The following GLTP variants were observed in gnomAD, a reference collection of about 807,000 sequenced individuals.
GLTP encodes the protein glycolipid transfer protein.
A neutral mutation model predicts 24.0 loss-of-function variants in GLTP; 22 were observed. The ratio of observed to expected loss-of-function variants is 0.92; its 90% CI spans 0.65 to 1.31. The LOEUF (loss-of-function observed/expected upper bound fraction) is 1.31. GLTP is among the 50% of genes most tolerant of loss of function. The pLI, the probability that GLTP is intolerant of heterozygous loss-of-function variation, is 0.00. For synonymous variants in GLTP, 92 were observed against 115.9 expected, an observed-to-expected ratio of 0.79 and a Z score of 1.33; for missense variants, 224 against 276.6, an observed-to-expected ratio of 0.81 and a Z score of 1.35.
chr12:109,874,378 C>T (rs533581819), intron 1 of GLTP, among the ~76,000 whole-genome samples: 1 of 152,196 alleles, frequency 6.6e-6, no homozygotes, highest in Non-Finnish European at 1.5e-5. Flanking sequence ...TGGAAAACCA[C>T]TCTTTCTGGG....
rs139982828 is a variant in GLTP, at chr12:109,855,760, G to T, written c.306C>A (p.Arg102=). 10,538 of 1,598,864 alleles carry T rather than the reference G, an allele frequency of 6.6e-3. 69 individuals carry two copies. The highest frequency in any genetic ancestry group is 0.02 in the South Asian group (1,757 of 88,960). Reference sequence around the variant, plus strand: ...TGCTCTGGAGGAAGACCTGGATGAAGCGGAGGCCTCTGTGGCCCAGGGAGG... The same window carrying T: ...TGCTCTGGAGGAAGACCTGGATGAATCGGAGGCCTCTGTGGCCCAGGGAGG... ...LALMWLKRGL[R]FIQVFLQSIC... is the part of the protein sequence containing the mutation. The change falls in exon 4 of 5, where the codon CGC becomes CGA. Residue 102 remains arginine, a synonymous_variant. Transcript: ENST00000318348. This position sits in a 1 kb window ranked among gnomAD's most constrained non-coding sequence, Gnocchi z 4.1.
At chr12:109,872,037 C>T (rs1868734818) in intron 1 of GLTP, among the ~76,000 whole-genome samples, 1 of 152,230 alleles carries the variant, frequency 6.6e-6, no homozygotes, top group African/African-American at 2.4e-5. Flanking sequence ...GCTCTGACCT[C>T]AAGGGCCAGA....
chr12:109,862,215 G>A (rs1351362688), intron 1 of GLTP, among the ~76,000 whole-genome samples: 1 of 152,172 alleles, frequency 6.6e-6, no homozygotes, highest in Non-Finnish European at 1.5e-5. Flanking sequence ...CTCCCAGACA[G>A]GCCTGCCAAG....
intron 1 of GLTP, among the ~76,000 whole-genome samples, chr12:109,864,273 T>G (rs1047096077): frequency 6.6e-6 from 1 of 152,200 alleles, no homozygotes; most frequent in Non-Finnish European, 1.5e-5. Context: ...CAGCTCTGTA[T>G]GCATCTCTGT....
intron 4 of GLTP, among the ~76,000 whole-genome samples, chr12:109,853,369 C>A (rs1392578005): frequency 6.6e-6 from 1 of 151,910 alleles, no homozygotes; most frequent in African/African-American, 2.4e-5. Flanking sequence ...AATTTCAGAG[C>A]CAGAAGAAAA....
rs1892739341 is a variant in GLTP at position 109,852,546 on chromosome 12, T to G, written c.*9A>C. ...CACGAGTCGGGGACGTGTCCAGCAG[T>G]GGGCATGCCTACACCTTGTAGTTAA... On this transcript the variant is annotated 3_prime_UTR_variant, in exon 5 of 5. Coordinates refer to ENST00000318348, the MANE Select transcript of GLTP (RefSeq NM_016433.4). The G allele has an allele frequency of 1.3e-6, 2 of 1,579,604 alleles. No homozygotes were observed. The highest frequency in any genetic ancestry group is 1.7e-6 in the Non-Finnish European group (2 of 1,151,458).
At chr12:109,854,250 C>G (rs1430841109) in intron 4 of GLTP, among the ~76,000 whole-genome samples, 2 of 151,114 alleles carry the variant, frequency 1.3e-5, no homozygotes, top group Admixed American at 1.3e-4. Flanking sequence ...GTCCCAGCTA[C>G]TCAAGACACT....
intron 1 of GLTP, among the ~76,000 whole-genome samples, chr12:109,859,527 A>AT (rs35192952): frequency 0.55 from 82,252 of 150,260 alleles, 23,048 homozygotes; most frequent in South Asian, 0.66. Context: ...TCAAAAAATA[A>AT]TTTTTTTTTT....
chr12:109,852,600 G>C lies in GLTP; in HGVS notation c.585C>G (p.Tyr195Ter). The change falls in exon 5 of 5, where the codon TAC (tyrosine) becomes TAG (stop). Residue 195 changes from tyrosine (Y) to a stop codon, truncating the protein, a stop_gained. Transcript: ENST00000318348. LOFTEE classifies it high-confidence loss of function. ...VNYTATIDVI[Y>*]EMYTQMNAEL... The stretch of plus-strand genomic sequence containing the variant: ...CAGCGTTCATCTGGGTGTACATCTC[G>C]TAGATGACATCGATGGTCGCCGTGT... 3.1e-6 allele frequency: 5 copies of C among 1,609,190 alleles called. No homozygotes were observed. Among genetic ancestry groups the C allele is most frequent in the Non-Finnish European group, 4.3e-6 (5 of 1,175,522 alleles).
chr12:109,877,637 C>T (rs1868928884), intron 1 of GLTP, among the ~76,000 whole-genome samples: 1 of 152,132 alleles, frequency 6.6e-6, no homozygotes, highest in Non-Finnish European at 1.5e-5. Context: ...GTGGAAAATC[C>T]CTGACTTGGA....
rs1205128021 is a variant in GLTP at position 109,855,780 on chromosome 12, GGGA to G, written c.297-14_297-12del. 7 of 1,573,702 alleles carry G rather than the reference GGGA, an allele frequency of 4.4e-6. No individual in the cohort carries two copies. Among genetic ancestry groups the G allele is most frequent in the African/African-American group, 4.1e-5 (3 of 73,180 alleles). On this transcript the variant is annotated splice_polypyrimidine_tract_variant and intron_variant, in intron 3 of 4. Coordinates refer to ENST00000318348, the MANE Select transcript of GLTP (RefSeq NM_016433.4). This position sits in a 1 kb window ranked among gnomAD's most constrained non-coding sequence, Gnocchi z 4.1. The stretch of plus-strand genomic sequence containing the variant: ...ATGAAGCGGAGGCCTCTGTGGCCCA[GGGA>G]GGAGAAGGTTCGTTAGGACCCTGCA...
intron 2 of GLTP, 30 bp downstream of exon 2, chr12:109,858,653 T>C (rs1892833089): frequency 3.2e-6 from 5 of 1,580,030 alleles, no homozygotes; most frequent in Non-Finnish European, 4.4e-6. Context: ...ACGCAAGTCT[T>C]GGGCTGTGGC....
At chr12:109,876,671 G>A (rs1868894068) in intron 1 of GLTP, among the ~76,000 whole-genome samples, 1 of 150,508 alleles carries the variant, frequency 6.6e-6, no homozygotes, top group Non-Finnish European at 1.5e-5. Flanking sequence ...GAAAGAGGAA[G>A]GAAGGAAGGA....
intron 3 of GLTP, among the ~76,000 whole-genome samples, chr12:109,856,292 C>T (rs1892794488): frequency 6.6e-6 from 1 of 152,200 alleles, no homozygotes; most frequent in Admixed American, 6.5e-5. Flanking sequence ...TGAGCATCCT[C>T]CAATGGCCAC....
At chr12:109,858,907 GCT>G (rs1565897740) in intron 1 of GLTP, among the ~76,000 whole-genome samples, 166 bp from the exon 2 acceptor site, 1 of 152,216 alleles carries the variant, frequency 6.6e-6, no homozygotes, top group Admixed American at 6.5e-5. Context: ...GCAGCCCCCA[GCT>G]CTGTTCTCTC....
In GLTP at chr12:109,857,684, C is replaced by T; in HGVS notation, c.163-25G>A. 1 of 1,613,972 alleles carries T rather than the reference C, an allele frequency of 6.2e-7. No individual in the cohort carries two copies. The highest frequency in any genetic ancestry group is 8.5e-7 in the Non-Finnish European group (1 of 1,179,844). Reference sequence around the variant, plus strand: ...TCTGAAATGGAGCACACAAGATTTCCCCTTGGGTAAGCTGCCCCCATAGAC... The same window carrying T: ...TCTGAAATGGAGCACACAAGATTTCTCCTTGGGTAAGCTGCCCCCATAGAC... On this transcript the variant is annotated intron_variant, in intron 2 of 4. Transcript: ENST00000318348. The surrounding 1 kb of genome is among the most constrained non-coding windows in gnomAD (Gnocchi z 4.3).
At chr12:109,874,009 G>C (rs2136049707) in intron 1 of GLTP, among the ~76,000 whole-genome samples, 1 of 152,308 alleles carries the variant, frequency 6.6e-6, no homozygotes, top group Admixed American at 6.5e-5. Context: ...CACACCACTT[G>C]TCATGTGGAC....
At chr12:109,867,979 G>A (rs7971128) in intron 1 of GLTP, among the ~76,000 whole-genome samples, 60,030 of 150,446 alleles carry the variant, frequency 0.4, 7,355 homozygotes, top group South Asian at 0.48. Context: ...GGGTTTCACC[G>A]TGTTAGCCAG....
At chr12:109,866,214 A>T (rs1230077324) in intron 1 of GLTP, 2 of 152,244 alleles carry the variant, frequency 1.3e-5, no homozygotes, top group East Asian at 1.9e-4. Context: ...ACCATTTTTT[A>T]AAAAAAGAGT....
Sources: gnomAD v4.1 joint callset for allele counts (sites outside exome capture counted in the v4.1 genomes callset) on GRCh38, gnomAD v4.1.1 for gene constraint, Gnocchi (gnomAD v3.1) non-coding constraint, MANE v1.5 for transcripts, NCBI Gene and HGNC (gene_info 2026-07-23, HGNC 2026-07-21) for gene names.